RACK1: variants seen among roughly 807,000 people sequenced by gnomAD.
The protein encoded by RACK1 is small ribosomal subunit protein RACK1.
A neutral mutation model predicts 42.2 loss-of-function variants in RACK1; 3 were observed. That is an observed-to-expected ratio of 0.07 (90% CI 0.03 to 0.18). The LOEUF (loss-of-function observed/expected upper bound fraction) is 0.18. RACK1 is among the 10% of genes least tolerant of loss of function. The pLI is 1.00. For missense variants in RACK1, 146 were observed against 403.2 expected (o/e 0.36, Z 5.46); for synonymous variants, 181 against 154.8 (o/e 1.17, Z -1.25).
chr5:181,243,820 G>C lies in RACK1; in HGVS notation c.-20C>G. 1 of 1,590,172 alleles carries C rather than the reference G, an allele frequency of 6.3e-7. No individual in the cohort carries two copies. ...AGTCATGGCGGCGGCGAGAGCGTGT[G>C]TCGCTGCAGCGACGAGGATGGCACT... is the stretch of plus-strand genomic sequence containing the variant. On this transcript the variant is annotated 5_prime_UTR_variant, in exon 1 of 8. Transcript: ENST00000512805.
chr5:181,239,601 A>T lies in RACK1; in HGVS notation c.430-19T>A. 1 of 1,527,894 alleles carries T rather than the reference A, an allele frequency of 6.5e-7. No homozygotes were observed. The highest frequency in any genetic ancestry group is 1.7e-5 in the Admixed American group (1 of 59,886). The allele number at this position is 1,527,894 out of a possible 1,614,324, so 94.6% of individuals were successfully genotyped here. On this transcript the variant is annotated intron_variant, in intron 3 of 7. Coordinates refer to ENST00000512805, the MANE Select transcript of RACK1 (RefSeq NM_006098.5). ...TCTCATCCTACAGAAGATGGAAAGG[A>T]AATTAGGGCAAACAGTCCTATCCCA... is the stretch of plus-strand genomic sequence containing the variant.
intron 7 of RACK1, 67 bp from the exon 8 acceptor site, chr5:181,237,109 C>T: frequency 6.2e-7 from 1 of 1,602,816 alleles, no homozygotes; most frequent in Non-Finnish European, 8.5e-7. Context: ...TAGATTCAGC[C>T]CAAGTGGCTT....
At position 181,237,714 on chromosome 5, in the gene RACK1, T is replaced by C; in HGVS notation, c.783A>G (p.Leu261=). 1 of 1,583,956 alleles carries C rather than the reference T, an allele frequency of 6.3e-7. No homozygotes were observed. The highest frequency in any genetic ancestry group is 8.7e-7 in the Non-Finnish European group (1 of 1,152,898). ...ATGPSIKIWD[L]EGKIIVDELK... Reference sequence around the variant, plus strand: ...GTTCATCTACAATGATCTTTCCCTCTAAATCCTGGGGAACAGGGCAAAAGC... The same window carrying C: ...GTTCATCTACAATGATCTTTCCCTCCAAATCCTGGGGAACAGGGCAAAAGC... Residue 261 remains leucine, a synonymous_variant, in exon 7 of 8, where the codon TTA becomes TTG. Transcript: ENST00000512805.
chr5:181,243,854 T>TA lies in RACK1; in HGVS notation c.-55dup. ...GCGACGAGGATGGCACTGGATGGCTTAGAGAAACTAGCACCACAACCTCTC... is the reference window on the plus strand; with the variant it reads ...GCGACGAGGATGGCACTGGATGGCTTAAGAGAAACTAGCACCACAACCTCTC... On this transcript the variant is annotated 5_prime_UTR_variant, in exon 1 of 8. Transcript: ENST00000512805. The TA allele has an allele frequency of 6.5e-7, 1 of 1,541,392 alleles. No homozygotes were observed. The highest frequency in any genetic ancestry group is 8.8e-7 in the Non-Finnish European group (1 of 1,141,560).
At position 181,239,187 on chromosome 5, in the gene RACK1, C is replaced by T. The variant is rs568155413; in HGVS notation, c.526-10G>A. On this transcript the variant is annotated splice_polypyrimidine_tract_variant and intron_variant, in intron 4 of 7. Coordinates refer to ENST00000512805, the MANE Select transcript of RACK1 (RefSeq NM_006098.5). ...TAGCCAGGTTCCATACCTGCATAGA[C>T]GTGCGGTTGACAGGTGAACATCCTA... 52 of 1,568,230 alleles carry T rather than the reference C, an allele frequency of 3.3e-5. 1 individual carries two copies. Among genetic ancestry groups the T allele is most frequent in the Middle Eastern group, 3.3e-4 (2 of 5,986 alleles).
intron 1 of RACK1, chr5:181,243,243 T>A: frequency 7.5e-7 from 1 of 1,337,802 alleles, no homozygotes. Flanking sequence ...GCAGAAAAAG[T>A]AGGCCGACAC....
chr5:181,243,820 G>A lies in RACK1; in HGVS notation c.-20C>T. ...AGTCATGGCGGCGGCGAGAGCGTGT[G>A]TCGCTGCAGCGACGAGGATGGCACT... On this transcript the variant is annotated 5_prime_UTR_variant, in exon 1 of 8. Coordinates refer to ENST00000512805, the MANE Select transcript of RACK1 (RefSeq NM_006098.5). The A allele has an allele frequency of 6.3e-7, 1 of 1,590,172 alleles. No homozygotes were observed. The highest frequency in any genetic ancestry group is 8.6e-7 in the Non-Finnish European group (1 of 1,168,356).
intron 6 of RACK1, 49 bp from the exon 7 acceptor site, chr5:181,237,768 C>T (rs201737391): frequency 1.0e-4 from 107 of 1,037,108 alleles, no homozygotes; most frequent in Admixed American, 6.0e-4. Flanking sequence ...TCAAGAGAGT[C>T]TCCTCTTAAA....
At chr5:181,238,793 C>G in intron 5 of RACK1, 1 of 410,054 alleles carries the variant, frequency 2.4e-6, no homozygotes, top group East Asian at 5.5e-5. Flanking sequence ...AGTGAGACTC[C>G]GTCTCAAAAA....
chr5:181,242,512 G>A (rs1309632996), intron 1 of RACK1, 167 bp from the exon 2 acceptor site: 6 of 681,630 alleles, frequency 8.8e-6, no homozygotes, highest in Non-Finnish European at 1.6e-5. Context: ...GGACTGAGTG[G>A]CTCTATTCCA....
chr5:181,238,490 A>C (rs2546422), intron 5 of RACK1: 7,041 of 451,960 alleles, frequency 0.016, 352 homozygotes, highest in African/African-American at 0.12. Flanking sequence ...CCAGGATCCC[A>C]ATCTCATCAA....
Position 181,237,113 on chromosome 5 carries a change from G to A in RACK1, c.889-71C>T. On this transcript the variant is annotated intron_variant, in intron 7 of 7. Transcript: ENST00000512805. ...TGCAGTCTCACTAGATTCAGCCCAA[G>A]TGGCTTTTTTTGAGATCCGTCCACC... 10 of 1,600,854 alleles carry A rather than the reference G, an allele frequency of 6.2e-6. No individual in the cohort carries two copies. The South Asian group carries it at 7.9e-5, about 13-fold the overall frequency.
At chr5:181,243,645 C>G (rs1260550268) in intron 1 of RACK1, 47 bp downstream of exon 1, 1 of 1,548,318 alleles carries the variant, frequency 6.5e-7, no homozygotes, top group African/African-American at 1.4e-5. Flanking sequence ...CACGCGGAAT[C>G]CCCCAGCCCT....
intron 1 of RACK1, chr5:181,242,759 C>T (rs1759398307): frequency 2.8e-6 from 1 of 351,216 alleles, no homozygotes; most frequent in Non-Finnish European, 5.6e-6. Context: ...TGCGGTTTCA[C>T]CATTGGCCAG....
intron 5 of RACK1, 46 bp downstream of exon 5, chr5:181,239,021 A>G (rs1443762685): frequency 3.2e-6 from 4 of 1,254,370 alleles, no homozygotes; most frequent in Non-Finnish European, 3.5e-6. Context: ...TGCTCCTTCC[A>G]TGACGCTGTC....
Position 181,243,762 on chromosome 5 carries a change from G to C in RACK1, c.39C>G (p.Gly13=), listed in dbSNP as rs1217051784. 6.2e-7 allele frequency: 1 copy of C among 1,609,078 alleles called. No homozygotes were observed. The highest frequency in any genetic ancestry group is 1.1e-5 in the South Asian group (1 of 89,870). The change falls in exon 1 of 8, where the codon GGC becomes GGG. Residue 13 remains glycine, a synonymous_variant. Transcript: ENST00000512805. ...EQMTLRGTLK[G]HNGWVTQIAT... is the part of the protein sequence containing the mutation. ...CGATCTGGGTTACCCAGCCGTTGTG[G>C]CCCTTGAGGGTGCCACGAAGGGTCA...
chr5:181,237,829 C>T, intron 6 of RACK1, 110 bp from the exon 7 acceptor site: 1 of 723,614 alleles, frequency 1.4e-6, no homozygotes, highest in South Asian at 1.6e-5. Context: ...TCCCTGGGGT[C>T]CATGTATCAA....
Position 181,237,718 on chromosome 5 carries a change from T to C in RACK1, c.779A>G (p.Asp260Gly). The C allele has an allele frequency of 6.4e-7, 1 of 1,568,890 alleles. No homozygotes were observed. Among genetic ancestry groups the C allele is most frequent in the Non-Finnish European group, 8.8e-7 (1 of 1,139,694 alleles). Residue 260 changes from aspartate (D) to glycine (G), a missense_variant and splice_region_variant, in exon 7 of 8, where the codon GAT becomes GGT. By Grantham distance (94) the Asp-to-Gly change is moderately conservative. Transcript: ENST00000512805. ...ATCTACAATGATCTTTCCCTCTAAATCCTGGGGAACAGGGCAAAAGCAACC... is the reference window on the plus strand; with the variant it reads ...ATCTACAATGATCTTTCCCTCTAAACCCTGGGGAACAGGGCAAAAGCAACC... ...AATGPSIKIWDLEGKIIVDEL... is the reference protein window; with the variant it reads ...AATGPSIKIWGLEGKIIVDEL...
At position 181,243,717 on chromosome 5, in the gene RACK1, C is replaced by T. The variant is rs756520547; in HGVS notation, c.84G>A (p.Pro28=). Residue 28 remains proline (P), a synonymous_variant, in exon 1 of 8, where the codon CCG becomes CCA. Transcript: ENST00000512805. ...CTCGAGAGGCGGAGAGGATCATGTC[C>T]GGGAACTGCGGGGTAGTAGCGATCT... ...VTQIATTPQF[P]DMILSASRDK... is the part of the protein sequence containing the mutation. 6.2e-7 allele frequency: 1 copy of T among 1,608,212 alleles called. No individual in the cohort carries two copies. The highest frequency in any genetic ancestry group is 1.1e-5 in the South Asian group (1 of 89,788).
Sources: gnomAD v4.1 joint callset for allele counts on GRCh38, gnomAD v4.1.1 for gene constraint, MANE v1.5 for transcripts, NCBI Gene and HGNC (gene_info 2026-07-23, HGNC 2026-07-21) for gene names.